USP32: variants seen among roughly 807,000 people sequenced by gnomAD.
USP32 encodes the protein ubiquitin specific peptidase 32, also known as ubiquitin carboxyl-terminal hydrolase 32.
In USP32, 59 loss-of-function variants were observed where a neutral mutation model predicts 204.8. The ratio of observed to expected loss-of-function variants is 0.29; its 90% CI spans 0.23 to 0.36. USP32 has a LOEUF of 0.36. USP32 is among the 10% of genes least tolerant of loss of function. The pLI is 1.00. For missense variants in USP32, 1,160 were observed against 1,946.4 expected (o/e 0.60, Z 7.60); for synonymous variants, 517 against 678.4 (o/e 0.76, Z 3.70).
chr17:60,391,997 C>A lies in USP32; in HGVS notation c.-58G>T. On this transcript the variant is annotated 5_prime_UTR_variant, in exon 1 of 34. Transcript: ENST00000300896. Reference sequence around the variant, plus strand: ...CCTGATCTCGCCCCCACCCCCCTCCCGCCTTCTCCTCGGCGTCCCTGGGTG... The same window carrying A: ...CCTGATCTCGCCCCCACCCCCCTCCAGCCTTCTCCTCGGCGTCCCTGGGTG... 6.4e-7 allele frequency: 1 copy of A among 1,566,550 alleles called. No individual in the cohort carries two copies. Among genetic ancestry groups the A allele is most frequent in the Non-Finnish European group, 8.7e-7 (1 of 1,153,328 alleles).
chr17:60,285,029 C>CA (rs745544308), intron 5 of USP32, among the ~76,000 whole-genome samples: 9 of 152,172 alleles, frequency 5.9e-5, no homozygotes, highest in Admixed American at 2.0e-4. Flanking sequence ...CCCTTAATTG[C>CA]AGTAGTCTTG....
At chr17:60,314,008 T>A (rs1452096499) in intron 2 of USP32, among the ~76,000 whole-genome samples, 1 of 151,222 alleles carries the variant, frequency 6.6e-6, no homozygotes, top group Non-Finnish European at 1.5e-5. Context: ...ACAGCTATTA[T>A]AAATATGCTC....
Position 60,301,581 on chromosome 17 carries a change from G to A in USP32, c.292+18C>T. ...CTGTACATAGACGAATTATTTTTGA[G>A]ATAATAAAAGTACTTACATTTTGCT... On this transcript the variant is annotated intron_variant, in intron 3 of 33. Coordinates refer to ENST00000300896, the MANE Select transcript of USP32 (RefSeq NM_032582.4). 1 of 1,456,850 alleles carries A rather than the reference G, an allele frequency of 6.9e-7. No individual in the cohort carries two copies. The highest frequency in any genetic ancestry group is 1.3e-5 in the South Asian group (1 of 79,602). The allele number at this position is 1,456,850 out of a possible 1,614,324, so 90.2% of individuals were successfully genotyped here. A position where few individuals can be genotyped will look rare whatever the true frequency, so the allele number is the denominator to read the frequency against.
chr17:60,327,800 C>T (rs2088281202), intron 2 of USP32, among the ~76,000 whole-genome samples: 1 of 152,230 alleles, frequency 6.6e-6, no homozygotes, highest in Non-Finnish European at 1.5e-5. Context: ...CCAGCCCCTG[C>T]TCCAATCTTG....
At chr17:60,341,187 T>G (rs190774364) in intron 2 of USP32, among the ~76,000 whole-genome samples, 1 of 152,172 alleles carries the variant, frequency 6.6e-6, no homozygotes, top group South Asian at 2.1e-4. Context: ...TGTGGTGTTC[T>G]CTGTTCCTGA....
chr17:60,249,842 A>C, intron 11 of USP32: 1 of 626,194 alleles, frequency 1.6e-6, no homozygotes, highest in East Asian at 3.0e-5. Flanking sequence ...CATTCCAGAA[A>C]TCACGATACT....
In USP32 at chr17:60,179,415, T is replaced by C; in HGVS notation, c.4655A>G (p.Asp1552Gly). The C allele has an allele frequency of 6.2e-7, 1 of 1,612,258 alleles. No homozygotes were observed. The highest frequency in any genetic ancestry group is 8.5e-7 in the Non-Finnish European group (1 of 1,179,820). The change falls in exon 34 of 34, where the codon GAT (aspartate) becomes GGT (glycine). Residue 1552 changes from aspartate (D) to glycine (G), a missense_variant. Coordinates refer to ENST00000300896, the MANE Select transcript of USP32 (RefSeq NM_032582.4). ...GTAGGCAGAGTCGGTGTCAATTTCA[T>C]CCGGGTGAAGTTCCTGAAAGGGCAA... ...NDSSCKELHP[D>G]EIDTDSAYIL...
intron 12 of USP32, chr17:60,231,648 G>A (rs557550233): frequency 2.6e-5 from 13 of 499,896 alleles, no homozygotes; most frequent in South Asian, 1.4e-4. Context: ...AGAGAGGCAC[G>A]AAAGGTGATT....
rs140926140 is a variant in USP32, at chr17:60,247,677, G to GT, written c.1136+4703dup. 1.7e-3 allele frequency among the ~76,000 whole-genome samples: 250 copies of GT among 147,286 alleles called. 1 individual carries two copies. The highest frequency in any genetic ancestry group is 4.9e-3 in the African/African-American group (197 of 40,436). On this transcript the variant is annotated intron_variant, in intron 11 of 33. Coordinates refer to ENST00000300896, the MANE Select transcript of USP32 (RefSeq NM_032582.4). ...GGGTTTTGCTTGTTTGTTTGTTTTG[G>GT]TTTTTTTTTTGTTTGTTTGTTTTTG...
rs756860752 is a variant in USP32 at position 60,212,036 on chromosome 17, C to T, written c.2167G>A (p.Asp723Asn). The T allele has an allele frequency of 4.4e-6, 7 of 1,595,666 alleles. No homozygotes were observed. The African/African-American group carries it at 9.4e-5, about 22-fold the overall frequency. ...MSFIANSSKI[D>N]RHKVPTEKGA... is the part of the protein sequence containing the mutation. ...ACTGGAGACTTACCCTTGTGTCTAT[C>T]TATTTTACTACTATTTGCTATAAAA... The change falls in exon 19 of 34, where the codon GAT (aspartate) becomes AAT (asparagine). Residue 723 changes from aspartate to asparagine, a missense_variant. Asp to Asn is a conservative substitution (Grantham distance 23). This residue lies in a region of USP32 where 132 missense variants were observed against 432.8 expected (regional missense o/e 0.30). Coordinates refer to ENST00000300896, the MANE Select transcript of USP32 (RefSeq NM_032582.4).
chr17:60,373,010 C>T (rs1567881800), intron 1 of USP32, among the ~76,000 whole-genome samples: 1 of 151,590 alleles, frequency 6.6e-6, no homozygotes, highest in Non-Finnish European at 1.5e-5. Context: ...ACATAAAAAA[C>T]AAAAAAATCA....
chr17:60,330,717 T>C (rs1598254660), intron 2 of USP32, among the ~76,000 whole-genome samples: 1 of 152,224 alleles, frequency 6.6e-6, no homozygotes, highest in East Asian at 1.9e-4. Flanking sequence ...TGGCTAATAT[T>C]TGTATTTTTT....
At chr17:60,232,157 A>ATTTTCT (rs1254066737) in intron 12 of USP32, among the ~76,000 whole-genome samples, 2 of 141,612 alleles carry the variant, frequency 1.4e-5, no homozygotes, top group Non-Finnish European at 3.1e-5. Flanking sequence ...GTCAACACTA[A>ATTTTCT]TTTTCTTTTT....
intron 1 of USP32, among the ~76,000 whole-genome samples, chr17:60,412,402 G>A (rs565271664): frequency 1.6e-4 from 24 of 151,220 alleles, no homozygotes; most frequent in Non-Finnish European, 3.1e-4. Context: ...TACTAGTGGG[G>A]AATGGGGGCG....
chr17:60,238,108 T>C (rs12942808), intron 11 of USP32, among the ~76,000 whole-genome samples: 4 of 152,206 alleles, frequency 2.6e-5, no homozygotes, highest in African/African-American at 4.8e-5. Flanking sequence ...TATTGAGAAG[T>C]AGAATTTCAT....
intron 10 of USP32, 126 bp downstream of exon 10, chr17:60,255,045 GTTCT>G (rs2145721629): frequency 5.0e-6 from 3 of 600,636 alleles, no homozygotes; most frequent in Non-Finnish European, 8.2e-6. Context: ...GAGTAATGTA[GTTCT>G]TTTTTTTTTT....
chr17:60,362,203 C>T (rs1006799956), intron 1 of USP32, among the ~76,000 whole-genome samples: 12 of 152,046 alleles, frequency 7.9e-5, no homozygotes, highest in East Asian at 5.8e-4. Flanking sequence ...TAAAAAAAAT[C>T]GTAGTCTGAG....
At chr17:60,353,174 T>A (rs1261969049) in intron 1 of USP32, among the ~76,000 whole-genome samples, 1 of 152,050 alleles carries the variant, frequency 6.6e-6, no homozygotes, top group Non-Finnish European at 1.5e-5. Context: ...GGATTAGTGT[T>A]CATAGAAGAA....
intron 1 of USP32, among the ~76,000 whole-genome samples, chr17:60,349,808 T>G (rs2146022497): frequency 6.7e-6 from 1 of 149,920 alleles, no homozygotes; most frequent in African/African-American, 2.4e-5. Context: ...AAGGACAGAT[T>G]GAATAAATTA....
Sources: allele counts gnomAD v4.1 joint callset (sites outside exome capture counted in the v4.1 genomes callset), GRCh38; gene constraint gnomAD v4.1.1; regional missense constraint gnomAD v4.1.1; transcripts MANE v1.5; gene names NCBI Gene and HGNC (gene_info 2026-07-23, HGNC 2026-07-21).